KIF26B: variants seen among roughly 807,000 people sequenced by gnomAD.
KIF26B encodes the protein kinesin-like protein KIF26B.
Under a neutral mutation model 151.2 loss-of-function variants are expected in KIF26B, and 63 were observed. The ratio of observed to expected loss-of-function variants is 0.42; its 90% confidence interval spans 0.34 to 0.51. The LOEUF is 0.51. KIF26B is among the 20% of genes least tolerant of loss of function. KIF26B has a pLI of 0.07. For synonymous variants in KIF26B, 1,357 were observed against 1,262.1 expected, an observed-to-expected ratio of 1.08 and a Z score of -1.59; for missense variants, 2,813 against 2,913.6, an observed-to-expected ratio of 0.97 and a Z score of 0.79.
At chr1:245,173,272 G>GGT (rs1157460094) in intron 2 of KIF26B, among the ~76,000 whole-genome samples, 1 of 152,196 alleles carries the variant, frequency 6.6e-6, no homozygotes, top group Non-Finnish European at 1.5e-5. Context: ...GCATATGGAA[G>GGT]GTGGTGGTGG....
chr1:245,555,663 G>A (rs948470923), intron 5 of KIF26B, among the ~76,000 whole-genome samples: 9 of 152,086 alleles, frequency 5.9e-5, no homozygotes, highest in Admixed American at 5.2e-4. Context: ...TGCATTTTTT[G>A]ATGGTTTGTA....
Position 245,512,894 on chromosome 1 carries a change from A to T in KIF26B, c.1167-27873A>T, listed in dbSNP as rs569884045. On this transcript the variant is annotated intron_variant, in intron 4 of 14. Coordinates refer to ENST00000407071, the MANE Select transcript of KIF26B (RefSeq NM_018012.4). The surrounding 1 kb of genome is among the most constrained non-coding windows in gnomAD (Gnocchi z 4.3). ...TCATGCCGGGGAAAGGAAAATCATTAAAAAACAATGACTAAAAACAGAATA... is the reference window on the plus strand; with the variant it reads ...TCATGCCGGGGAAAGGAAAATCATTTAAAAACAATGACTAAAAACAGAATA... 6.6e-6 allele frequency among the ~76,000 whole-genome samples: 1 copy of T among 152,276 alleles called. No individual in the cohort carries two copies. Among genetic ancestry groups the T allele is most frequent in the South Asian group, 2.1e-4 (1 of 4,818 alleles).
chr1:245,686,727 C>G lies in KIF26B; in HGVS notation c.3744C>G (p.Val1248=). The G allele has an allele frequency of 6.2e-7, 1 of 1,613,586 alleles. No homozygotes were observed. Among genetic ancestry groups the G allele is most frequent in the Non-Finnish European group, 8.5e-7 (1 of 1,179,820 alleles). Residue 1248 remains valine (V), a synonymous_variant, in exon 12 of 15, where the codon GTC becomes GTG. Transcript: ENST00000407071. The surrounding 1 kb of genome is among the most constrained non-coding windows in gnomAD (Gnocchi z 5.6). Reference sequence around the variant, plus strand: ...AGTGCTACTCCAGCACGGCCCCCGTCTCCGAGGTCAGCATCACACAGTTCT... The same window carrying G: ...AGTGCTACTCCAGCACGGCCCCCGTGTCCGAGGTCAGCATCACACAGTTCT... ...DLECYSSTAP[V]SEVSITQFLP...
intron 5 of KIF26B, among the ~76,000 whole-genome samples, chr1:245,569,889 A>G (rs1257195213): frequency 1.0e-5 from 1 of 99,432 alleles, no homozygotes; most frequent in African/African-American, 4.0e-5. Flanking sequence ...ATGATCACTT[A>G]TCTTTCCCTT....
At chr1:245,364,031 G>A (rs1441036746) in intron 2 of KIF26B, among the ~76,000 whole-genome samples, 1 of 152,162 alleles carries the variant, frequency 6.6e-6, no homozygotes, top group Non-Finnish European at 1.5e-5. Context: ...CTGGGCTAGA[G>A]GTGGCAGCAG....
chr1:245,422,199 G>C (rs1658507022), intron 4 of KIF26B, among the ~76,000 whole-genome samples: 1 of 152,168 alleles, frequency 6.6e-6, no homozygotes, highest in Non-Finnish European at 1.5e-5. Flanking sequence ...AGCATTAAAA[G>C]TATGTGGTTT....
At chr1:245,186,242 A>T (rs1413774563) in intron 2 of KIF26B, among the ~76,000 whole-genome samples, 1 of 151,858 alleles carries the variant, frequency 6.6e-6, no homozygotes, top group Non-Finnish European at 1.5e-5. Context: ...CATCAACAGA[A>T]TGCCCCCTTC....
At chr1:245,431,914 C>A (rs1010297179) in intron 4 of KIF26B, among the ~76,000 whole-genome samples, 2 of 152,196 alleles carry the variant, frequency 1.3e-5, no homozygotes, top group African/African-American at 4.8e-5. Flanking sequence ...TCTTCCTCTG[C>A]CATGTTCCCA....
intron 9 of KIF26B, among the ~76,000 whole-genome samples, chr1:245,623,156 C>T (rs549522648): frequency 1.4e-4 from 21 of 150,588 alleles, no homozygotes; most frequent in African/African-American, 4.4e-4. Context: ...CCTATGAAAC[C>T]GTCCTCAATC....
chr1:245,604,409 G>A (rs1170345673), intron 6 of KIF26B, among the ~76,000 whole-genome samples: 1 of 152,124 alleles, frequency 6.6e-6, no homozygotes, highest in Admixed American at 6.6e-5. Context: ...TTGAGCATGC[G>A]GTTTCCCCAA....
At chr1:245,281,731 G>T (rs1298954837) in intron 2 of KIF26B, among the ~76,000 whole-genome samples, 2 of 151,206 alleles carry the variant, frequency 1.3e-5, no homozygotes, top group Non-Finnish European at 2.9e-5. Context: ...GGGTTTTTAT[G>T]GTTTTAGGTC....
At chr1:245,472,989 T>C (rs563074919) in intron 4 of KIF26B, among the ~76,000 whole-genome samples, 58 of 152,394 alleles carry the variant, frequency 3.8e-4, no homozygotes, top group African/African-American at 1.2e-3. Flanking sequence ...GGTCATTTGC[T>C]TTCTGTGTAG....
At chr1:245,380,463 G>A (rs1268379017) in intron 3 of KIF26B, among the ~76,000 whole-genome samples, 1 of 152,188 alleles carries the variant, frequency 6.6e-6, no homozygotes, top group Non-Finnish European at 1.5e-5. Context: ...GCTGCAAGGC[G>A]CTGCGTCGCC....
At chr1:245,554,965 A>T (rs1366031761) in intron 5 of KIF26B, among the ~76,000 whole-genome samples, 1 of 152,218 alleles carries the variant, frequency 6.6e-6, no homozygotes, top group Non-Finnish European at 1.5e-5. Context: ...TCTCTGTGCC[A>T]GGCTGAAGCG....
chr1:245,303,940 A>C (rs1671489291), intron 2 of KIF26B, among the ~76,000 whole-genome samples: 2 of 152,220 alleles, frequency 1.3e-5, no homozygotes, highest in African/African-American at 4.8e-5. Flanking sequence ...AGCCTCCTCC[A>C]CAGAGTAAAT....
chr1:245,631,209 T>A (rs2043777922), intron 9 of KIF26B, among the ~76,000 whole-genome samples: 1 of 152,164 alleles, frequency 6.6e-6, no homozygotes, highest in Admixed American at 6.5e-5. Context: ...TTCCAGTTCT[T>A]AGAAAAAAAA....
chr1:245,539,144 C>G (rs140545867), intron 4 of KIF26B, among the ~76,000 whole-genome samples: 9 of 152,182 alleles, frequency 5.9e-5, no homozygotes, highest in Admixed American at 3.3e-4. Flanking sequence ...CATATCTCTT[C>G]CCCCTGTATT....
intron 3 of KIF26B, among the ~76,000 whole-genome samples, chr1:245,385,522 GC>G (rs1454940694): frequency 6.6e-6 from 1 of 152,302 alleles, no homozygotes; most frequent in African/African-American, 2.4e-5. Context: ...GAATGTACAT[GC>G]CTGTTTGTTA....
chr1:245,351,742 G>A (rs1672573373), intron 2 of KIF26B, among the ~76,000 whole-genome samples: 1 of 152,172 alleles, frequency 6.6e-6, no homozygotes. Context: ...CAGAGCTCTG[G>A]CCAGTCTGTT....
Sources: gnomAD v4.1 joint callset for allele counts (sites outside exome capture counted in the v4.1 genomes callset) on GRCh38, gnomAD v4.1.1 for gene constraint, Gnocchi (gnomAD v3.1) non-coding constraint, MANE v1.5 for transcripts, NCBI Gene and HGNC (gene_info 2026-07-23, HGNC 2026-07-21) for gene names.